The following INVS variants were observed in gnomAD, a reference collection of about 807,000 sequenced individuals.
INVS encodes inversin.
In INVS, 86 loss-of-function variants were observed where a neutral mutation model predicts 108.8. The ratio of observed to expected loss-of-function variants is 0.79; its 90% CI spans 0.66 to 0.95. The LOEUF (loss-of-function observed/expected upper bound fraction) is 0.95. Among genes scored for constraint, INVS ranks in the 40% least tolerant of loss-of-function variants. The pLI is 0.00. For synonymous variants in INVS, 455 were observed against 473.5 expected (o/e 0.96, Z 0.51); for missense variants, 1,169 against 1,297.4 (o/e 0.90, Z 1.52).
intron 3 of INVS, among the ~76,000 whole-genome samples, chr9:100,217,304 G>A (rs1253511152): frequency 6.6e-6 from 1 of 151,966 alleles, no homozygotes; most frequent in Admixed American, 6.6e-5. Flanking sequence ...GTGAGACTCT[G>A]TCTCAAAAAA....
At chr9:100,136,396 C>G (rs1467073340) in intron 3 of INVS, among the ~76,000 whole-genome samples, 1 of 152,040 alleles carries the variant, frequency 6.6e-6, no homozygotes, top group South Asian at 2.1e-4. Flanking sequence ...ATTATATATT[C>G]TATTATTTCA....
At chr9:100,104,098 T>G (rs1827095926) in intron 1 of INVS, among the ~76,000 whole-genome samples, 1 of 152,202 alleles carries the variant, frequency 6.6e-6, no homozygotes, top group African/African-American at 2.4e-5. Context: ...TTTCCTCAGA[T>G]AGTCCCTAAG....
At chr9:100,171,188 C>A (rs1034635341) in intron 3 of INVS, among the ~76,000 whole-genome samples, 1 of 152,102 alleles carries the variant, frequency 6.6e-6, no homozygotes, top group African/African-American at 2.4e-5. Flanking sequence ...AATGGTGGTC[C>A]CATGAGCCGT....
At position 100,300,593 on chromosome 9, in the gene INVS, C is replaced by G. The variant is rs773102189; in HGVS notation, c.3117C>G (p.Leu1039=). 1 of 1,613,246 alleles carries G rather than the reference C, an allele frequency of 6.2e-7. No individual in the cohort carries two copies. Among genetic ancestry groups the G allele is most frequent in the Admixed American group, 1.7e-5 (1 of 60,020 alleles). ...TGAGCAACCTACAGTGTATACATCT[C>G]CTTGAGAACAGTGGAAGATCAAAGA... is the stretch of plus-strand genomic sequence containing the variant. The part of the protein sequence containing the change: ...NSVSNLQCIH[L]LENSGRSKNF... The change falls in exon 17 of 17, where the codon CTC becomes CTG. Residue 1039 remains leucine (L), a synonymous_variant. Coordinates refer to ENST00000262457, the MANE Select transcript of INVS (RefSeq NM_014425.5).
At chr9:100,125,472 C>G (rs796458818) in intron 2 of INVS, among the ~76,000 whole-genome samples, 43 of 152,168 alleles carry the variant, frequency 2.8e-4, no homozygotes, top group African/African-American at 9.2e-4. Flanking sequence ...GAGGCAAAAG[C>G]AAACAAGCAA....
At chr9:100,200,867 T>A (rs1427782977) in intron 3 of INVS, among the ~76,000 whole-genome samples, 5 of 152,236 alleles carry the variant, frequency 3.3e-5, no homozygotes, top group Non-Finnish European at 7.3e-5. Flanking sequence ...ATCTAATGTC[T>A]AACCAACTGA....
intron 13 of INVS, among the ~76,000 whole-genome samples, chr9:100,284,828 T>G (rs188123114): frequency 4.6e-5 from 7 of 152,170 alleles, no homozygotes; most frequent in Non-Finnish European, 8.8e-5. Context: ...TTGATTGATT[T>G]ATGGTTTTTT....
At chr9:100,268,890 G>A (rs1476276887) in intron 11 of INVS, among the ~76,000 whole-genome samples, 1 of 152,074 alleles carries the variant, frequency 6.6e-6, no homozygotes, top group Non-Finnish European at 1.5e-5. Context: ...GGTATATTAA[G>A]CTACATGTTA....
At chr9:100,188,188 C>G (rs1017141189) in intron 3 of INVS, among the ~76,000 whole-genome samples, 7 of 152,068 alleles carry the variant, frequency 4.6e-5, no homozygotes, top group African/African-American at 1.7e-4. Flanking sequence ...GTGCTGATTG[C>G]TCTGGTTAGG....
chr9:100,200,490 C>T (rs767780096), intron 3 of INVS, among the ~76,000 whole-genome samples: 6 of 152,248 alleles, frequency 3.9e-5, no homozygotes, highest in East Asian at 1.9e-4. Flanking sequence ...TTGAGTGTCT[C>T]GGTTTTTCCC....
At chr9:100,229,441 G>A (rs975290307) in intron 4 of INVS, among the ~76,000 whole-genome samples, 3 of 152,058 alleles carry the variant, frequency 2.0e-5, no homozygotes, top group Admixed American at 6.5e-5. Context: ...ATTTAGAATG[G>A]CACACAATTT....
At position 100,132,226 on chromosome 9, in the gene INVS, CATGAATGAATGAATGAATGA is replaced by C. The variant is rs10534746; in HGVS notation, c.273+5696_273+5715del. 7.9e-5 allele frequency among the ~76,000 whole-genome samples: 12 copies of C among 151,122 alleles called. No individual in the cohort carries two copies. In the South Asian group the frequency reaches 2.5e-3, roughly 32 times the overall value. On this transcript the variant is annotated intron_variant, in intron 3 of 16. Transcript: ENST00000262457. ...AAGACAGTAATTTATTTAAGGAATA[CATGAATGAATGAATGAATGA>C]ATGAATGAATGAATGAATCAGTAAA... is the stretch of plus-strand genomic sequence containing the variant.
intron 3 of INVS, among the ~76,000 whole-genome samples, chr9:100,214,622 A>T (rs1830931465): frequency 6.6e-6 from 1 of 152,232 alleles, no homozygotes; most frequent in Non-Finnish European, 1.5e-5. Context: ...AGGTTGTGCC[A>T]GTCCCTTTGC....
chr9:100,164,934 G>T (rs1442033221), intron 3 of INVS, among the ~76,000 whole-genome samples: 2 of 145,172 alleles, frequency 1.4e-5, no homozygotes, highest in African/African-American at 2.6e-5. Flanking sequence ...GGCTATTGTG[G>T]CTTAACCCCT....
intron 12 of INVS, among the ~76,000 whole-genome samples, chr9:100,278,557 A>G (rs1833178920): frequency 6.6e-6 from 1 of 152,162 alleles, no homozygotes; most frequent in Non-Finnish European, 1.5e-5. Flanking sequence ...CATCTCTAGT[A>G]CCTTAGAATG....
At chr9:100,251,217 C>A (rs1469043005) in intron 8 of INVS, among the ~76,000 whole-genome samples, 1 of 151,902 alleles carries the variant, frequency 6.6e-6, no homozygotes, top group Non-Finnish European at 1.5e-5. Flanking sequence ...AGAATGTAAC[C>A]TTATCTATTG....
In INVS at chr9:100,220,974, C is replaced by CAAA. The variant is rs59090085; in HGVS notation, c.274-5076_274-5074dup. Reference sequence around the variant, plus strand: ...TGGGCAACAGAGCAAGACTCTGTCCCAAAAAAAAAAAAAATAGATTAACTT... The same window carrying CAAA: ...TGGGCAACAGAGCAAGACTCTGTCCCAAAAAAAAAAAAAAAAATAGATTAACTT... On this transcript the variant is annotated intron_variant, in intron 3 of 16. Coordinates refer to ENST00000262457, the MANE Select transcript of INVS (RefSeq NM_014425.5). Among the ~76,000 whole-genome samples the CAAA allele has an allele frequency of 6.2e-3, 870 of 140,888 alleles. 10 individuals carry two copies. Among genetic ancestry groups the CAAA allele is most frequent in the African/African-American group, 0.019 (736 of 38,562 alleles). 92.4% of individuals were successfully genotyped at this position (140,888 alleles called of 152,430 possible).
At chr9:100,297,807 A>G in intron 15 of INVS, 129 bp from the exon 16 acceptor site, 1 of 912,766 alleles carries the variant, frequency 1.1e-6, no homozygotes, top group Admixed American at 1.8e-5. Context: ...ACATGTTTCC[A>G]CACCATACCT....
At chr9:100,282,705 T>A (rs928925144) in intron 12 of INVS, among the ~76,000 whole-genome samples, 1 of 152,204 alleles carries the variant, frequency 6.6e-6, no homozygotes, top group African/African-American at 2.4e-5. Context: ...ATTTGTCAGG[T>A]TGCCTATAAA....
Sources: gnomAD v4.1 joint callset for allele counts (sites outside exome capture counted in the v4.1 genomes callset) on GRCh38, gnomAD v4.1.1 for gene constraint, MANE v1.5 for transcripts, NCBI Gene and HGNC (gene_info 2026-07-23, HGNC 2026-07-21) for gene names.